The following TMEM132C variants were observed in gnomAD, a reference collection of about 807,000 sequenced individuals.
TMEM132C encodes the protein protein phosphatase 1, regulatory subunit 152.
TMEM132C carries 29 observed loss-of-function variants against 61.4 expected under a neutral mutation model. The observed-to-expected ratio is 0.47, with a 90% CI of 0.35 to 0.64. TMEM132C has a LOEUF of 0.64. TMEM132C is among the 30% of genes least tolerant of loss of function. The pLI is 0.00. For synonymous variants in TMEM132C, 656 were observed against 633.1 expected (o/e 1.04, Z -0.54); for missense variants, 1,408 against 1,476.9 (o/e 0.95, Z 0.76).
At chr12:128,693,804 A>G in intron 5 of TMEM132C, 25 bp from the exon 6 acceptor site, 3 of 1,551,422 alleles carry the variant, frequency 1.9e-6, no homozygotes, top group Non-Finnish European at 2.6e-6. Flanking sequence ...CTTCTCCTCC[A>G]TCCTTTCTCC....
At chr12:128,687,624 G>C (rs1954687814) in intron 5 of TMEM132C, among the ~76,000 whole-genome samples, 1 of 152,244 alleles carries the variant, frequency 6.6e-6, no homozygotes, top group African/African-American at 2.4e-5. Flanking sequence ...AGGGAGGCCA[G>C]CAGCTGGGTC....
intron 2 of TMEM132C, among the ~76,000 whole-genome samples, chr12:128,427,387 G>GGGGTGTGTGTGTGT (rs1555223960): frequency 7.6e-6 from 1 of 132,294 alleles, no homozygotes; most frequent in African/African-American, 3.0e-5. Flanking sequence ...CTTCCAAAGG[G>GGGGTGTGTGTGTGT]GTGTGTGTGT....
intron 5 of TMEM132C, among the ~76,000 whole-genome samples, chr12:128,686,071 G>GTGTGCATGTGTGT (rs1954672444): frequency 1.4e-5 from 2 of 147,252 alleles, no homozygotes; most frequent in Non-Finnish European, 3.0e-5. Context: ...GTGTGCATGC[G>GTGTGCATGTGTGT]TGTGTGCGCA....
chr12:128,465,441 TC>T (rs1475316358), intron 2 of TMEM132C, among the ~76,000 whole-genome samples: 1 of 152,148 alleles, frequency 6.6e-6, no homozygotes, highest in East Asian at 1.9e-4. Context: ...CCTCAGGTGA[TC>T]CACCTGCCTC....
intron 1 of TMEM132C, among the ~76,000 whole-genome samples, chr12:128,331,213 G>A (rs1349916484): frequency 1.3e-5 from 2 of 151,120 alleles, no homozygotes; most frequent in East Asian, 2.0e-4. Flanking sequence ...ATTCACTAAC[G>A]TGAATGTGGT....
At chr12:128,434,181 A>G (rs1869494789) in intron 2 of TMEM132C, among the ~76,000 whole-genome samples, 1 of 152,214 alleles carries the variant, frequency 6.6e-6, no homozygotes. Context: ...TGCTTAACCA[A>G]CAGTAGCTCA....
At chr12:128,434,976 C>T (rs1164495385) in intron 2 of TMEM132C, among the ~76,000 whole-genome samples, 1 of 152,090 alleles carries the variant, frequency 6.6e-6, no homozygotes, top group Non-Finnish European at 1.5e-5. Flanking sequence ...AATTGTGTCT[C>T]TCAAAATTCA....
At chr12:128,431,705 C>T (rs1869395148) in intron 2 of TMEM132C, among the ~76,000 whole-genome samples, 1 of 152,024 alleles carries the variant, frequency 6.6e-6, no homozygotes, top group South Asian at 2.1e-4. Flanking sequence ...CAGGTGCTGG[C>T]CACCACGCCT....
chr12:128,684,917 G>A (rs1179175862), intron 5 of TMEM132C, among the ~76,000 whole-genome samples: 3 of 152,176 alleles, frequency 2.0e-5, no homozygotes, highest in African/African-American at 4.8e-5. Flanking sequence ...CAAGGGAAGG[G>A]CACATTGCAC....
At chr12:128,636,818 G>A (rs1017034579) in intron 4 of TMEM132C, among the ~76,000 whole-genome samples, 1 of 152,006 alleles carries the variant, frequency 6.6e-6, no homozygotes, top group Non-Finnish European at 1.5e-5. Context: ...GCCTCTATGA[G>A]TTGCATTGTT....
chr12:128,346,962 G>T (rs1036484846), intron 1 of TMEM132C, among the ~76,000 whole-genome samples: 2 of 152,056 alleles, frequency 1.3e-5, no homozygotes, highest in East Asian at 1.9e-4. Flanking sequence ...TGGGAAACAG[G>T]TTGTTTTTGG....
At position 128,326,201 on chromosome 12, in the gene TMEM132C, G is replaced by C. The variant is rs1872510256; in HGVS notation, c.85+58714G>C. Among the ~76,000 whole-genome samples, 1 of 152,042 alleles carries C rather than the reference G, an allele frequency of 6.6e-6. No individual in the cohort carries two copies. Among genetic ancestry groups the C allele is most frequent in the African/African-American group, 2.4e-5 (1 of 41,384 alleles). ...GAACTGTACAATTATTTATCAAATT[G>C]CAAAAGAGGCAGTAAGACAAAAATC... is the stretch of plus-strand genomic sequence containing the variant. On this transcript the variant is annotated intron_variant, in intron 1 of 8. Transcript: ENST00000435159. This position sits in a 1 kb window ranked among gnomAD's most constrained non-coding sequence, Gnocchi z 5.6.
At chr12:128,513,816 C>T (rs1872641200) in intron 2 of TMEM132C, among the ~76,000 whole-genome samples, 1 of 152,166 alleles carries the variant, frequency 6.6e-6, no homozygotes, top group Non-Finnish European at 1.5e-5. Flanking sequence ...CTCACATGCA[C>T]GATCAGCAGG....
At chr12:128,653,949 TGTG>T (rs1954299049) in intron 4 of TMEM132C, among the ~76,000 whole-genome samples, 2 of 152,200 alleles carry the variant, frequency 1.3e-5, no homozygotes, top group African/African-American at 4.8e-5. Context: ...TTTCCCCTCC[TGTG>T]GTGACACCAG....
chr12:128,669,163 C>A (rs1330837678), intron 4 of TMEM132C, among the ~76,000 whole-genome samples: 1 of 152,148 alleles, frequency 6.6e-6, no homozygotes, highest in Non-Finnish European at 1.5e-5. Context: ...AGAATAAATA[C>A]TTTTTGATTG....
chr12:128,536,308 G>A (rs10847638), intron 2 of TMEM132C, among the ~76,000 whole-genome samples: 80,901 of 151,788 alleles, frequency 0.53, 22,390 homozygotes, highest in Middle Eastern at 0.61. Flanking sequence ...ACCAAACACC[G>A]CATGTTCTCA....
intron 1 of TMEM132C, among the ~76,000 whole-genome samples, chr12:128,277,662 A>C (rs1438696359): frequency 6.6e-6 from 1 of 152,164 alleles, no homozygotes; most frequent in Non-Finnish European, 1.5e-5. Flanking sequence ...ATGGGGAATG[A>C]CTGCCCAGCA....
In TMEM132C at chr12:128,339,079, C is replaced by G. The variant is rs116814496; in HGVS notation, c.85+71592C>G. ...GCAAATTTAGAAAGGGTTTTCTAGC[C>G]TCTCTTCCCCTCTGCTGATTTTCTG... On this transcript the variant is annotated intron_variant, in intron 1 of 8. Transcript: ENST00000435159. Among the ~76,000 whole-genome samples, 1,284 of 152,182 alleles carry G rather than the reference C, an allele frequency of 8.4e-3. 19 individuals are homozygous for G. Among genetic ancestry groups the G allele is most frequent in the African/African-American group, 0.03 (1,224 of 41,488 alleles).
At chr12:128,429,000 T>C (rs756268991) in intron 2 of TMEM132C, among the ~76,000 whole-genome samples, 1 of 152,242 alleles carries the variant, frequency 6.6e-6, no homozygotes, top group Non-Finnish European at 1.5e-5. Flanking sequence ...ATTGCAACTA[T>C]GCTTGACTGA....
Sources: allele counts gnomAD v4.1 joint callset (sites outside exome capture counted in the v4.1 genomes callset), GRCh38; gene constraint gnomAD v4.1.1; non-coding constraint Gnocchi (gnomAD v3.1); transcripts MANE v1.5; gene names NCBI Gene and HGNC (gene_info 2026-07-23, HGNC 2026-07-21).